The following STX18 variants were observed in gnomAD, a reference collection of about 807,000 sequenced individuals.
STX18 encodes the protein syntaxin-18.
Under a neutral mutation model 50.1 loss-of-function variants are expected in STX18, and 40 were observed. The observed-to-expected ratio is 0.80, with a 90% CI of 0.62 to 1.04. STX18 has a LOEUF of 1.04. Ranked by LOEUF, STX18 falls within the 50% of genes least tolerant of loss-of-function variation. The pLI is 0.00. For missense variants in STX18, 410 were observed against 415.8 expected (o/e 0.99, Z 0.12); for synonymous variants, 158 against 151.8 (o/e 1.04, Z -0.30).
intron 1 of STX18, among the ~76,000 whole-genome samples, chr4:4,484,056 G>A (rs1191846251): frequency 2.0e-5 from 3 of 152,054 alleles, no homozygotes; most frequent in South Asian, 2.1e-4. Context: ...TAGAGATGGG[G>A]TTTCACCATG....
intron 5 of STX18, among the ~76,000 whole-genome samples, chr4:4,440,977 C>G (rs950191821): frequency 1.3e-5 from 2 of 152,118 alleles, no homozygotes; most frequent in African/African-American, 4.8e-5. Context: ...AAGGGCTGAC[C>G]AGGGCTGGAG....
In STX18 at chr4:4,442,803, TA is replaced by T. The variant is rs71169645; in HGVS notation, c.498-4295del. ...ACTGCTCTTAAAATAACAAGTTTAT[TA>T]AAAAAAAAAAAAAAAAAGCCCCACC... On this transcript the variant is annotated intron_variant, in intron 5 of 10. Transcript: ENST00000306200. Among the ~76,000 whole-genome samples, 796 of 100,590 alleles carry T rather than the reference TA, an allele frequency of 7.9e-3. 7 individuals carry two copies. The highest frequency in any genetic ancestry group is 9.8e-3 in the Admixed American group (88 of 8,952). 66.0% of individuals were successfully genotyped at this position (100,590 alleles called of 152,430 possible).
chr4:4,424,824 G>T (rs1396589777), intron 8 of STX18, among the ~76,000 whole-genome samples: 1 of 152,170 alleles, frequency 6.6e-6, no homozygotes, highest in Non-Finnish European at 1.5e-5. Context: ...CCCTTCATAA[G>T]GGCCCCATTT....
rs755423833 is a variant in STX18 at position 4,425,149 on chromosome 4, G to A, written c.761+15C>T. The A allele has an allele frequency of 3.7e-6, 6 of 1,612,052 alleles. No individual in the cohort carries two copies. In the South Asian group the frequency reaches 6.6e-5, roughly 18 times the overall value. ...TAAAGCAGGCTATCAGCTCACAGAG[G>A]AGCTACAAACATACCTCACTTCATC... On this transcript the variant is annotated intron_variant, in intron 8 of 10. Coordinates refer to ENST00000306200, the MANE Select transcript of STX18 (RefSeq NM_016930.4).
At chr4:4,440,813 C>A (rs184385448) in intron 5 of STX18, among the ~76,000 whole-genome samples, 10 of 152,294 alleles carry the variant, frequency 6.6e-5, no homozygotes, top group Admixed American at 5.2e-4. Context: ...GTTACTACAG[C>A]TGAGTCATAA....
At chr4:4,525,450 A>T (rs1045571539) in intron 1 of STX18, among the ~76,000 whole-genome samples, 2 of 152,210 alleles carry the variant, frequency 1.3e-5, no homozygotes, top group African/African-American at 4.8e-5. Flanking sequence ...GTGTTGATTC[A>T]TTTAGTTTGG....
chr4:4,431,778 C>T (rs1322760829), intron 7 of STX18, among the ~76,000 whole-genome samples: 1 of 152,160 alleles, frequency 6.6e-6, no homozygotes, highest in Non-Finnish European at 1.5e-5. Context: ...GTTCCTTCCT[C>T]ATCTCACACT....
intron 1 of STX18, among the ~76,000 whole-genome samples, chr4:4,515,115 C>T (rs1355800566): frequency 2.6e-5 from 4 of 151,998 alleles, no homozygotes; most frequent in African/African-American, 9.7e-5. Context: ...GCTTCTCTCC[C>T]CAATGACAAA....
intron 7 of STX18, among the ~76,000 whole-genome samples, chr4:4,431,606 T>C (rs1196199487): frequency 1.3e-5 from 2 of 152,138 alleles, no homozygotes; most frequent in African/African-American, 4.8e-5. Context: ...TGCGTTTCTC[T>C]AGCCCGAGCC....
At chr4:4,515,618 C>T (rs554535099) in intron 1 of STX18, among the ~76,000 whole-genome samples, 5 of 152,104 alleles carry the variant, frequency 3.3e-5, no homozygotes, top group South Asian at 2.1e-4. Context: ...TAGAAAAAAA[C>T]GATAAGACAT....
rs1477340836 is a variant in STX18 at position 4,507,820 on chromosome 4, A to AT, written c.168+33976_168+33977insA. 387 of 675,088 alleles carry AT rather than the reference A, an allele frequency of 5.7e-4. 4 individuals carry two copies. In the African/African-American group the frequency reaches 6.8e-3, roughly 12 times the overall value. 41.8% of individuals were successfully genotyped at this position (675,088 alleles called of 1,614,324 possible). On this transcript the variant is annotated intron_variant, in intron 1 of 10. Coordinates refer to ENST00000306200, the MANE Select transcript of STX18 (RefSeq NM_016930.4). ...TAAATAAAATATATTCACAGTAAAA[A>AT]AAAAAAAAAAAAAAAAAGTTAAAAA...
In STX18 at chr4:4,420,533, C is replaced by T. The variant is rs1051907838; in HGVS notation, c.912+331G>A. Reference sequence around the variant, plus strand: ...TGTAGTGTCCTCTGTAAGCAGGGGCCAGGCTCTGACCCCTCGGTGGGGGCC... The same window carrying T: ...TGTAGTGTCCTCTGTAAGCAGGGGCTAGGCTCTGACCCCTCGGTGGGGGCC... On this transcript the variant is annotated intron_variant, in intron 10 of 10. Transcript: ENST00000306200. This position sits in a 1 kb window ranked among gnomAD's most constrained non-coding sequence, Gnocchi z 4.3. 3 of 403,962 alleles carry T rather than the reference C, an allele frequency of 7.4e-6. No homozygotes were observed. Among genetic ancestry groups the T allele is most frequent in the Non-Finnish European group, 4.5e-6 (1 of 223,490 alleles). The allele number at this position is 403,962 out of a possible 1,614,324, so 25.0% of individuals were successfully genotyped here.
rs118072760 is a variant in STX18 at position 4,507,748 on chromosome 4, G to A, written c.168+34049C>T. On this transcript the variant is annotated intron_variant, in intron 1 of 10. Coordinates refer to ENST00000306200, the MANE Select transcript of STX18 (RefSeq NM_016930.4). ...TGTCTCTAAGAAGCTCACGGGCAAG[G>A]ATGTTAATTTTGAATTCCCAGAGTT... 2,997 of 1,246,516 alleles carry A rather than the reference G, an allele frequency of 2.4e-3. 44 individuals carry two copies. In the East Asian group the frequency reaches 0.041, roughly 17 times the overall value. 77.2% of individuals were successfully genotyped at this position (1,246,516 alleles called of 1,614,324 possible). A position where few individuals can be genotyped will look rare whatever the true frequency, so the allele number is the denominator to read the frequency against.
In STX18 at chr4:4,489,391, A is replaced by ATTTTTTTTTTTTTTTTTTTTTTT. The variant is rs34563523; in HGVS notation, c.169-17708_169-17686dup. Among the ~76,000 whole-genome samples the ATTTTTTTTTTTTTTTTTTTTTTT allele has an allele frequency of 1.4e-4, 7 of 51,676 alleles. 2 individuals are homozygous for ATTTTTTTTTTTTTTTTTTTTTTT. The highest frequency in any genetic ancestry group is 2.3e-4 in the Non-Finnish European group (6 of 26,642). 33.9% of individuals were successfully genotyped at this position (51,676 alleles called of 152,430 possible). A position where few individuals can be genotyped will look rare whatever the true frequency, so the allele number is the denominator to read the frequency against. On this transcript the variant is annotated intron_variant, in intron 1 of 10. Transcript: ENST00000306200. ...AGCACTTCAATACACATGCAAAATA[A>ATTTTTTTTTTTTTTTTTTTTTTT]TTTTTTTTTTTTTTTTTTTTTTTTT...
At chr4:4,542,120 C>T, upstream of STX18, 1 of 1,007,934 alleles carries the variant, frequency 9.9e-7, no homozygotes, top group Non-Finnish European at 1.4e-6. Context: ...GCCCTGCTAC[C>T]GCGGCGGGAG....
intron 1 of STX18, among the ~76,000 whole-genome samples, chr4:4,528,947 A>AT (rs924636557): frequency 2.0e-5 from 3 of 152,134 alleles, no homozygotes; most frequent in South Asian, 2.1e-4. Context: ...GGGAATTACA[A>AT]TTTTTTTTCA....
At chr4:4,469,308 T>C (rs867587160) in intron 2 of STX18, among the ~76,000 whole-genome samples, 2 of 152,142 alleles carry the variant, frequency 1.3e-5, no homozygotes, top group African/African-American at 4.8e-5. Context: ...ACAAAAAATA[T>C]GTGACAGAAA....
At chr4:4,538,569 G>A (rs1731445910) in intron 1 of STX18, among the ~76,000 whole-genome samples, 1 of 142,470 alleles carries the variant, frequency 7.0e-6, no homozygotes, top group African/African-American at 2.6e-5. Flanking sequence ...ATGAGGAGGG[G>A]GGAGGTAGTT....
intron 1 of STX18, among the ~76,000 whole-genome samples, chr4:4,529,835 G>A (rs770677957): frequency 6.6e-6 from 1 of 152,174 alleles, no homozygotes; most frequent in Non-Finnish European, 1.5e-5. Flanking sequence ...ACAAGTGGTA[G>A]CCATTATTAT....
Sources: allele counts gnomAD v4.1 joint callset (sites outside exome capture counted in the v4.1 genomes callset), GRCh38; gene constraint gnomAD v4.1.1; non-coding constraint Gnocchi (gnomAD v3.1); transcripts MANE v1.5; gene names NCBI Gene and HGNC (gene_info 2026-07-23, HGNC 2026-07-21).